TMEM132D: variants seen among roughly 807,000 people sequenced by gnomAD.
TMEM132D encodes transmembrane protein 132D.
Under a neutral mutation model 62.3 loss-of-function variants are expected in TMEM132D, and 21 were observed. That is an observed-to-expected ratio of 0.34 (90% CI 0.24 to 0.49). TMEM132D has a LOEUF of 0.49. Ranked by LOEUF, TMEM132D falls within the 20% of genes least tolerant of loss-of-function variation. TMEM132D has a pLI of 0.99. For synonymous variants in TMEM132D, 621 were observed against 575.6 expected, an observed-to-expected ratio of 1.08 and a Z score of -1.13; for missense variants, 1,346 against 1,402.8, an observed-to-expected ratio of 0.96 and a Z score of 0.65.
At chr12:129,285,107 C>T (rs557963516) in intron 4 of TMEM132D, among the ~76,000 whole-genome samples, 1 of 152,194 alleles carries the variant, frequency 6.6e-6, no homozygotes, top group South Asian at 2.1e-4. Flanking sequence ...AGGTTTTTTC[C>T]TATGCCACTG....
intron 2 of TMEM132D, among the ~76,000 whole-genome samples, chr12:129,642,042 T>G (rs1267822422): frequency 6.6e-6 from 1 of 151,598 alleles, no homozygotes; most frequent in Non-Finnish European, 1.5e-5. Context: ...AGTTCAGAAG[T>G]GTGGGGATGA....
intron 1 of TMEM132D, among the ~76,000 whole-genome samples, chr12:129,895,179 C>G (rs1830978881): frequency 6.6e-6 from 1 of 151,936 alleles, no homozygotes; most frequent in Non-Finnish European, 1.5e-5. Context: ...CATAGCACCC[C>G]CCAGGTACAC....
At chr12:129,787,018 C>T (rs1031536253) in intron 1 of TMEM132D, among the ~76,000 whole-genome samples, 2 of 152,124 alleles carry the variant, frequency 1.3e-5, no homozygotes, top group African/African-American at 4.8e-5. Context: ...GCTGTGAGGC[C>T]ACCAGGATCC....
intron 5 of TMEM132D, among the ~76,000 whole-genome samples, chr12:129,175,130 T>C (rs1021534655): frequency 6.6e-6 from 1 of 152,250 alleles, no homozygotes; most frequent in African/African-American, 2.4e-5. Context: ...TTTCACATTT[T>C]TGTCATGAAG....
At chr12:129,158,020 A>T (rs1877294954) in intron 5 of TMEM132D, among the ~76,000 whole-genome samples, 1 of 152,168 alleles carries the variant, frequency 6.6e-6, no homozygotes, top group Non-Finnish European at 1.5e-5. Context: ...ATCATGAAGC[A>T]CCTGGTGCTG....
At chr12:129,770,143 G>GTTTTTT (rs71082754) in intron 1 of TMEM132D, among the ~76,000 whole-genome samples, 4 of 128,124 alleles carry the variant, frequency 3.1e-5, no homozygotes, top group African/African-American at 6.0e-5. Flanking sequence ...TTTTTTGGTT[G>GTTTTTT]TTTTTTTTTT....
chr12:129,469,880 T>C (rs545266716), intron 3 of TMEM132D, among the ~76,000 whole-genome samples: 5 of 152,220 alleles, frequency 3.3e-5, no homozygotes, highest in African/African-American at 1.2e-4. Flanking sequence ...CTCTGTTGGA[T>C]GCAAAGTTAA....
At chr12:129,606,897 C>T (rs576302741) in intron 2 of TMEM132D, among the ~76,000 whole-genome samples, 1 of 152,312 alleles carries the variant, frequency 6.6e-6, no homozygotes, top group Non-Finnish European at 1.5e-5. Context: ...AATGCATTTG[C>T]TCATAGAACA....
chr12:129,344,930 A>T (rs1869633342), intron 3 of TMEM132D, among the ~76,000 whole-genome samples: 2 of 152,062 alleles, frequency 1.3e-5, no homozygotes, highest in South Asian at 4.1e-4. Context: ...GATTAGATAG[A>T]TGTGGTTACG....
Position 129,605,587 on chromosome 12 carries a change from T to TTGTATATATATATATATA in TMEM132D, c.969-74383_969-74382insTATATATATATATATACA, listed in dbSNP as rs1555221320. Among the ~76,000 whole-genome samples the TTGTATATATATATATATA allele has an allele frequency of 8.4e-5, 9 of 107,364 alleles. 1 individual carries two copies. The highest frequency in any genetic ancestry group is 3.1e-4 in the African/African-American group (8 of 25,720). 70.4% of individuals were successfully genotyped at this position (107,364 alleles called of 152,430 possible). ...TTAAATTATTATGGGAAATTAGGCA[T>TTGTATATATATATATATA]TATATATATATATATATACACACAC... On this transcript the variant is annotated intron_variant, in intron 2 of 8. Transcript: ENST00000422113.
chr12:129,843,325 A>G (rs548780438), intron 1 of TMEM132D, among the ~76,000 whole-genome samples: 1 of 152,378 alleles, frequency 6.6e-6, no homozygotes, highest in African/African-American at 2.4e-5. Context: ...TATCTAAAAT[A>G]TTAGAGTTTA....
intron 3 of TMEM132D, among the ~76,000 whole-genome samples, chr12:129,349,701 C>A (rs780862307): frequency 6.6e-6 from 1 of 152,114 alleles, no homozygotes; most frequent in Non-Finnish European, 1.5e-5. Context: ...CTCACATGCT[C>A]CCATGTAAAG....
intron 4 of TMEM132D, among the ~76,000 whole-genome samples, chr12:129,217,634 G>A (rs985065766): frequency 2.0e-5 from 3 of 152,164 alleles, no homozygotes; most frequent in African/African-American, 4.8e-5. Context: ...TTAACTCTGT[G>A]TGAGGCACAT....
intron 3 of TMEM132D, among the ~76,000 whole-genome samples, chr12:129,394,700 A>G (rs940433938): frequency 1.3e-5 from 2 of 152,256 alleles, no homozygotes; most frequent in African/African-American, 4.8e-5. Context: ...AATGAAATTA[A>G]TGACATGTGA....
At chr12:129,582,555 T>A (rs995903960) in intron 2 of TMEM132D, among the ~76,000 whole-genome samples, 1 of 152,166 alleles carries the variant, frequency 6.6e-6, no homozygotes, top group African/African-American at 2.4e-5. Context: ...TAGTACTTCC[T>A]AGTGTTGAGA....
At chr12:129,790,113 C>T (rs1345114940) in intron 1 of TMEM132D, among the ~76,000 whole-genome samples, 2 of 152,140 alleles carry the variant, frequency 1.3e-5, no homozygotes, top group Non-Finnish European at 2.9e-5. Flanking sequence ...AGGGGGAGCG[C>T]AGGTGAGCAG....
intron 1 of TMEM132D, among the ~76,000 whole-genome samples, chr12:129,776,502 AG>A (rs1168263112): frequency 6.6e-6 from 1 of 152,140 alleles, no homozygotes; most frequent in East Asian, 1.9e-4. Flanking sequence ...GTTCTTTCTC[AG>A]GGACCAGTGG....
At chr12:129,367,002 C>T (rs924939209) in intron 3 of TMEM132D, among the ~76,000 whole-genome samples, 1 of 152,204 alleles carries the variant, frequency 6.6e-6, no homozygotes, top group Non-Finnish European at 1.5e-5. Context: ...CAAGGATCTT[C>T]AGCCTCTGAG....
At chr12:129,297,505 A>T (rs962237001) in intron 4 of TMEM132D, among the ~76,000 whole-genome samples, 1 of 152,236 alleles carries the variant, frequency 6.6e-6, no homozygotes, top group African/African-American at 2.4e-5. Flanking sequence ...CCAGAAAGGG[A>T]TTCCAGCAGC....
Sources: allele counts gnomAD v4.1 joint callset (sites outside exome capture counted in the v4.1 genomes callset), GRCh38; gene constraint gnomAD v4.1.1; transcripts MANE v1.5; gene names NCBI Gene and HGNC (gene_info 2026-07-23, HGNC 2026-07-21).